Variants in ZBTB16 observed in about 807,000 individuals in gnomAD.
ZBTB16 encodes the protein zinc finger and BTB domain containing 16, also known as zinc finger and BTB domain-containing protein 16.
Under a neutral mutation model 56.8 loss-of-function variants are expected in ZBTB16, and 8 were observed. The ratio of observed to expected loss-of-function variants is 0.14; its 90% CI spans 0.08 to 0.25. ZBTB16 has a LOEUF of 0.25. ZBTB16 is among the 10% of genes least tolerant of loss of function. ZBTB16 has a pLI of 1.00. For missense variants in ZBTB16, 625 were observed against 903.0 expected, an observed-to-expected ratio of 0.69 and a Z score of 3.95; for synonymous variants, 363 against 368.5, an observed-to-expected ratio of 0.98 and a Z score of 0.17.
chr11:114,228,861 T>C (rs1944382306), intron 4 of ZBTB16, among the ~76,000 whole-genome samples: 1 of 152,214 alleles, frequency 6.6e-6, no homozygotes, highest in Non-Finnish European at 1.5e-5. Context: ...TGTGGACACA[T>C]TTTCCCTAGT....
intron 3 of ZBTB16, among the ~76,000 whole-genome samples, chr11:114,161,728 A>T (rs1355312735): frequency 6.6e-6 from 1 of 152,244 alleles, no homozygotes; most frequent in East Asian, 1.9e-4. Flanking sequence ...AATGATCTGC[A>T]TTCTCCCTGA....
intron 4 of ZBTB16, chr11:114,209,457 C>T (rs1943953570): frequency 8.1e-6 from 8 of 985,254 alleles, no homozygotes; most frequent in South Asian, 4.7e-5. Context: ...AGAGCCTTCA[C>T]ATTCCGGAGA....
At chr11:114,066,573 C>A (rs893471899) in intron 2 of ZBTB16, among the ~76,000 whole-genome samples, 3 of 152,032 alleles carry the variant, frequency 2.0e-5, no homozygotes, top group Non-Finnish European at 4.4e-5. Context: ...TTTTCTTTAC[C>A]CGAGAGGGCC....
At position 114,253,163 on chromosome 11, in the gene ZBTB16, C is replaced by G. The variant is rs932898095; in HGVS notation, c.*2608C>G. On this transcript the variant is annotated 3_prime_UTR_variant, in exon 7 of 7. Transcript: ENST00000335953. ...AAATCCCAGAAAACAGTATTTTTAACAGCAAGATGTCATTCAACATTGGTG... is the reference window on the plus strand; with the variant it reads ...AAATCCCAGAAAACAGTATTTTTAAGAGCAAGATGTCATTCAACATTGGTG... 3.9e-5 allele frequency among the ~76,000 whole-genome samples: 6 copies of G among 152,066 alleles called. No individual in the cohort carries two copies. Among genetic ancestry groups the G allele is most frequent in the Admixed American group, 2.0e-4 (3 of 15,256 alleles).
At chr11:114,089,429 G>T (rs188496510) in intron 2 of ZBTB16, among the ~76,000 whole-genome samples, 3 of 152,306 alleles carry the variant, frequency 2.0e-5, no homozygotes, top group African/African-American at 7.2e-5. Flanking sequence ...AAGATTGGAA[G>T]ATCATTGAGG....
chr11:114,089,630 G>A (rs1940109450), intron 2 of ZBTB16, among the ~76,000 whole-genome samples: 1 of 152,190 alleles, frequency 6.6e-6, no homozygotes, highest in African/African-American at 2.4e-5. Flanking sequence ...CTGGCCAGTG[G>A]GAGACAGAGG....
At chr11:114,232,538 C>T (rs567837968) in intron 4 of ZBTB16, among the ~76,000 whole-genome samples, 2 of 151,274 alleles carry the variant, frequency 1.3e-5, no homozygotes, top group African/African-American at 2.4e-5. Context: ...AGAGGCACCT[C>T]TCTGCCAGAA....
At chr11:114,212,025 C>T (rs1278056785) in intron 4 of ZBTB16, among the ~76,000 whole-genome samples, 1 of 152,140 alleles carries the variant, frequency 6.6e-6, no homozygotes, top group African/African-American at 2.4e-5. Flanking sequence ...GAGGACTTGT[C>T]AGCGGTCTGG....
rs529984294 is a variant in ZBTB16 at position 114,119,350 on chromosome 11, G to A, written c.1269-36987G>A. Among the ~76,000 whole-genome samples the A allele has an allele frequency of 7.3e-5, 11 of 151,090 alleles. No individual in the cohort carries two copies. In the South Asian group the frequency reaches 1.1e-3, roughly 14 times the overall value. ...TACGAGTTTGTGTGTGTGTGTGCGCGCGTGTGTGTGTGTGTTTGTGTCTGT... is the reference window on the plus strand; with the variant it reads ...TACGAGTTTGTGTGTGTGTGTGCGCACGTGTGTGTGTGTGTTTGTGTCTGT... On this transcript the variant is annotated intron_variant, in intron 2 of 6. Coordinates refer to ENST00000335953, the MANE Select transcript of ZBTB16 (RefSeq NM_006006.6).
intron 3 of ZBTB16, among the ~76,000 whole-genome samples, chr11:114,170,466 C>T (rs1200806453): frequency 1.3e-5 from 2 of 152,206 alleles, no homozygotes; most frequent in African/African-American, 4.8e-5. Flanking sequence ...GGGGCGGATA[C>T]CTCTGTAGTC....
chr11:114,167,865 G>T (rs1278845159), intron 3 of ZBTB16, among the ~76,000 whole-genome samples: 1 of 152,122 alleles, frequency 6.6e-6, no homozygotes, highest in Non-Finnish European at 1.5e-5. Flanking sequence ...TTTTAAATAG[G>T]TCCTGCCTGT....
chr11:114,069,422 G>A (rs1939247554), intron 2 of ZBTB16, among the ~76,000 whole-genome samples: 1 of 152,224 alleles, frequency 6.6e-6, no homozygotes, highest in African/African-American at 2.4e-5. Flanking sequence ...AGGAACCACA[G>A]GGAATGTCTG....
At chr11:114,223,109 C>T (rs1014163706) in intron 4 of ZBTB16, among the ~76,000 whole-genome samples, 6 of 152,326 alleles carry the variant, frequency 3.9e-5, no homozygotes, top group African/African-American at 1.4e-4. Flanking sequence ...AATCTCACAG[C>T]TTTGGCCACA....
chr11:114,129,172 A>C (rs1019810262), intron 2 of ZBTB16, among the ~76,000 whole-genome samples: 10 of 152,242 alleles, frequency 6.6e-5, no homozygotes, highest in Non-Finnish European at 1.5e-4. Flanking sequence ...GAAAATAGTC[A>C]GCAAAATCCT....
intron 4 of ZBTB16, among the ~76,000 whole-genome samples, chr11:114,221,986 A>G (rs1026249285): frequency 8.5e-5 from 13 of 152,194 alleles, no homozygotes; most frequent in Admixed American, 3.9e-4. Flanking sequence ...GTCCATGATC[A>G]TGCAGTGACC....
intron 4 of ZBTB16, among the ~76,000 whole-genome samples, chr11:114,221,298 C>T (rs1270407526): frequency 6.6e-6 from 1 of 152,228 alleles, no homozygotes; most frequent in Non-Finnish European, 1.5e-5. Context: ...GGCAGACTCT[C>T]TGTACCAACC....
intron 3 of ZBTB16, among the ~76,000 whole-genome samples, chr11:114,173,338 G>T (rs1391869168): frequency 6.6e-6 from 1 of 152,166 alleles, no homozygotes; most frequent in Non-Finnish European, 1.5e-5. Flanking sequence ...GTGCCACTGA[G>T]GGGCCCAGGG....
At position 114,063,357 on chromosome 11, in the gene ZBTB16, G is replaced by A. The variant is rs142115592; in HGVS notation, c.57G>A (p.Gly19=). 1.4e-5 allele frequency: 23 copies of A among 1,614,022 alleles called. No individual in the cohort carries two copies. The African/African-American group carries it at 3.1e-4, about 22-fold the overall frequency. Residue 19 remains glycine (G), a synonymous_variant, in exon 2 of 7, where the codon GGG becomes GGA. Coordinates refer to ENST00000335953, the MANE Select transcript of ZBTB16 (RefSeq NM_006006.6). The surrounding 1 kb of genome is among the most constrained non-coding windows in gnomAD (Gnocchi z 6.5). ...IQLQNPSHPT[G]LLCKANQMRL... is the part of the protein sequence containing the mutation. The stretch of plus-strand genomic sequence containing the variant: ...TGCAGAACCCTAGCCACCCCACGGG[G>A]CTACTGTGCAAGGCCAACCAGATGC...
intron 2 of ZBTB16, among the ~76,000 whole-genome samples, chr11:114,134,177 A>G (rs898829780): frequency 6.6e-6 from 1 of 152,224 alleles, no homozygotes; most frequent in Non-Finnish European, 1.5e-5. Context: ...GCTCACCAGC[A>G]TCATTGCATT....
Sources: allele counts gnomAD v4.1 joint callset (sites outside exome capture counted in the v4.1 genomes callset), GRCh38; gene constraint gnomAD v4.1.1; non-coding constraint Gnocchi (gnomAD v3.1); transcripts MANE v1.5; gene names NCBI Gene and HGNC (gene_info 2026-07-23, HGNC 2026-07-21).